ENOX1: variants seen among roughly 807,000 people sequenced by gnomAD.
The protein encoded by ENOX1 is ecto-NOX disulfide-thiol exchanger 1.
ENOX1 carries 42 observed loss-of-function variants against 82.5 expected under a neutral mutation model. The observed-to-expected ratio is 0.51, with a 90% CI of 0.40 to 0.66. The LOEUF is 0.66. Ranked by LOEUF, ENOX1 falls within the 30% of genes least tolerant of loss-of-function variation. The pLI is 0.00. For missense variants in ENOX1, 608 were observed against 811.6 expected (o/e 0.75, Z 3.05); for synonymous variants, 271 against 282.2 (o/e 0.96, Z 0.40).
chr13:43,778,925 T>C (rs1952080714), intron 1 of ENOX1, among the ~76,000 whole-genome samples: 1 of 152,154 alleles, frequency 6.6e-6, no homozygotes, highest in African/African-American at 2.4e-5. Flanking sequence ...CTCTATGTCA[T>C]GCTGACTGTT....
At chr13:43,489,607 G>C (rs1377330569) in intron 2 of ENOX1, among the ~76,000 whole-genome samples, 2 of 152,100 alleles carry the variant, frequency 1.3e-5, no homozygotes, top group African/African-American at 4.8e-5. Context: ...GCAGCCATGG[G>C]GGCAGGTTCA....
At chr13:43,473,994 T>C (rs921468182) in intron 3 of ENOX1, among the ~76,000 whole-genome samples, 3 of 152,152 alleles carry the variant, frequency 2.0e-5, no homozygotes, top group Non-Finnish European at 4.4e-5. Context: ...TAAAACATCC[T>C]TTTAATAGTA....
intron 2 of ENOX1, among the ~76,000 whole-genome samples, chr13:43,630,217 A>G (rs1425503269): frequency 6.6e-6 from 1 of 152,150 alleles, no homozygotes; most frequent in African/African-American, 2.4e-5. Flanking sequence ...GCTTCTTTTC[A>G]GGGGCGGAAA....
intron 1 of ENOX1, among the ~76,000 whole-genome samples, chr13:43,735,190 T>A (rs985303118): frequency 6.6e-6 from 1 of 152,178 alleles, no homozygotes; most frequent in African/African-American, 2.4e-5. Context: ...AATGTTTAAA[T>A]GTATCAGAAA....
intron 9 of ENOX1, among the ~76,000 whole-genome samples, chr13:43,341,154 G>A (rs532302157): frequency 1.7e-4 from 26 of 152,148 alleles, no homozygotes; most frequent in African/African-American, 5.5e-4. Context: ...AAAATCAGAT[G>A]GGCGTGGTGG....
At chr13:43,287,998 C>T (rs1438410117) in intron 12 of ENOX1, among the ~76,000 whole-genome samples, 1 of 152,152 alleles carries the variant, frequency 6.6e-6, no homozygotes, top group Non-Finnish European at 1.5e-5. Flanking sequence ...AGAAAATGCA[C>T]ACACTGCCAG....
intron 1 of ENOX1, among the ~76,000 whole-genome samples, chr13:43,712,543 C>T (rs1166686359): frequency 2.0e-5 from 3 of 149,994 alleles, no homozygotes; most frequent in Non-Finnish European, 4.5e-5. Flanking sequence ...TTCTTCCTAC[C>T]CATGAGCATG....
At chr13:43,632,815 T>C (rs1165087227) in intron 2 of ENOX1, among the ~76,000 whole-genome samples, 3 of 152,198 alleles carry the variant, frequency 2.0e-5, no homozygotes, top group African/African-American at 7.2e-5. Context: ...TTGAGAGATT[T>C]GAGTTTTCAT....
intron 16 of ENOX1, among the ~76,000 whole-genome samples, chr13:43,221,053 T>C (rs1206271849): frequency 6.6e-6 from 1 of 152,238 alleles, no homozygotes; most frequent in African/African-American, 2.4e-5. Context: ...ATGTAACACA[T>C]GCCCATGACC....
At chr13:43,236,992 T>C (rs2042582709) in intron 14 of ENOX1, among the ~76,000 whole-genome samples, 1 of 152,252 alleles carries the variant, frequency 6.6e-6, no homozygotes, top group Non-Finnish European at 1.5e-5. Flanking sequence ...CAAGTTATCT[T>C]AGATTTTTGT....
chr13:43,432,388 C>T (rs570466537), intron 3 of ENOX1, among the ~76,000 whole-genome samples: 1 of 152,240 alleles, frequency 6.6e-6, no homozygotes, highest in South Asian at 2.1e-4. Flanking sequence ...CACCTGTAAT[C>T]CCAGCACTTT....
chr13:43,617,387 G>A (rs924295832), intron 2 of ENOX1, among the ~76,000 whole-genome samples: 3 of 152,164 alleles, frequency 2.0e-5, no homozygotes, highest in African/African-American at 4.8e-5. Flanking sequence ...GCCTTCTGAA[G>A]AGTTTCATCA....
chr13:43,775,611 G>T (rs1020196016), intron 1 of ENOX1, among the ~76,000 whole-genome samples: 1 of 152,186 alleles, frequency 6.6e-6, no homozygotes, highest in South Asian at 2.1e-4. Context: ...GAGTGCCCAC[G>T]ATTGGGTGGT....
chr13:43,781,125 T>C (rs1952233708), intron 1 of ENOX1, among the ~76,000 whole-genome samples: 1 of 152,164 alleles, frequency 6.6e-6, no homozygotes, highest in South Asian at 2.1e-4. Flanking sequence ...TTCCAAAATA[T>C]CATTGGCTAA....
At chr13:43,743,697 G>T (rs1435526813) in intron 1 of ENOX1, among the ~76,000 whole-genome samples, 1 of 152,194 alleles carries the variant, frequency 6.6e-6, no homozygotes, top group Non-Finnish European at 1.5e-5. Flanking sequence ...AAATCACGAA[G>T]ATCTCTCTTT....
intron 1 of ENOX1, among the ~76,000 whole-genome samples, chr13:43,774,095 A>T (rs1951791756): frequency 6.6e-6 from 1 of 152,192 alleles, no homozygotes; most frequent in South Asian, 2.1e-4. Context: ...CTTCTACAGC[A>T]CCTACTTTGT....
At chr13:43,731,989 G>A (rs1362431911) in intron 1 of ENOX1, among the ~76,000 whole-genome samples, 1 of 152,160 alleles carries the variant, frequency 6.6e-6, no homozygotes, top group Non-Finnish European at 1.5e-5. Context: ...TTTATCCCAA[G>A]CAGTGAAGGA....
rs552197065 is a variant in ENOX1 at position 43,498,699 on chromosome 13, A to C, written c.-218-14547T>G. ...GTTAGAACTGCTACAGGCAAAACTC[A>C]ATGATGAATACAAAAAAATGAGTGG... On this transcript the variant is annotated intron_variant, in intron 2 of 16. Coordinates refer to ENST00000690772, the MANE Select transcript of ENOX1 (RefSeq NM_001347969.2). Among the ~76,000 whole-genome samples the C allele has an allele frequency of 1.6e-4, 25 of 152,224 alleles. No individual in the cohort carries two copies. The East Asian group carries it at 4.3e-3, about 26-fold the overall frequency.
At chr13:43,292,910 C>T (rs2046082390) in intron 12 of ENOX1, among the ~76,000 whole-genome samples, 2 of 152,048 alleles carry the variant, frequency 1.3e-5, no homozygotes, top group Non-Finnish European at 1.5e-5. Flanking sequence ...CTCACCATGG[C>T]CATCACCACA....
Sources: gnomAD v4.1 joint callset for allele counts (sites outside exome capture counted in the v4.1 genomes callset) on GRCh38, gnomAD v4.1.1 for gene constraint, MANE v1.5 for transcripts, NCBI Gene and HGNC (gene_info 2026-07-23, HGNC 2026-07-21) for gene names.